PTPRU: variants seen among roughly 807,000 people sequenced by gnomAD.
PTPRU encodes receptor-type tyrosine-protein phosphatase U.
A neutral mutation model predicts 166.3 loss-of-function variants in PTPRU; 69 were observed. That is an observed-to-expected ratio of 0.41 (90% CI 0.34 to 0.51). The LOEUF (loss-of-function observed/expected upper bound fraction) is 0.51. Ranked by LOEUF, PTPRU falls within the 20% of genes least tolerant of loss-of-function variation. PTPRU has a pLI of 0.09. For missense variants in PTPRU, 1,657 were observed against 2,013.7 expected, an observed-to-expected ratio of 0.82 and a Z score of 3.39; for synonymous variants, 793 against 814.0, an observed-to-expected ratio of 0.97 and a Z score of 0.44.
At chr1:29,259,019 ACT>A (rs1296917396) in intron 3 of PTPRU, among the ~76,000 whole-genome samples, 1 of 152,014 alleles carries the variant, frequency 6.6e-6, no homozygotes, top group African/African-American at 2.4e-5. Context: ...TGACCTGGAA[ACT>A]CTGTCTGGCT....
intron 15 of PTPRU, among the ~76,000 whole-genome samples, chr1:29,297,275 G>A (rs931656077): frequency 2.0e-5 from 3 of 151,712 alleles, no homozygotes; most frequent in Non-Finnish European, 2.9e-5. Flanking sequence ...GGCTGGTCTC[G>A]AACTCCTGAC....
At position 29,257,704 on chromosome 1, in the gene PTPRU, A is replaced by G. The variant is rs886154172; in HGVS notation, c.206-801A>G. On this transcript the variant is annotated intron_variant, in intron 2 of 29. Coordinates refer to ENST00000373779, the MANE Select transcript of PTPRU (RefSeq NM_133178.4). This position sits in a 1 kb window ranked among gnomAD's most constrained non-coding sequence, Gnocchi z 4.6. ...CAATCTCTGTTCTACATATTCATTC[A>G]GCTTGCGTCCTGAGGCCTCACAGCC... Among the ~76,000 whole-genome samples the G allele has an allele frequency of 6.6e-6, 1 of 152,166 alleles. No homozygotes were observed. Among genetic ancestry groups the G allele is most frequent in the Non-Finnish European group, 1.5e-5 (1 of 68,028 alleles).
chr1:29,255,539 G>C, intron 2 of PTPRU, 133 bp downstream of exon 2: 1 of 1,320,326 alleles, frequency 7.6e-7, no homozygotes, highest in East Asian at 2.4e-5. Flanking sequence ...AATGACATAC[G>C]TGACACTGAA....
intron 7 of PTPRU, among the ~76,000 whole-genome samples, chr1:29,272,631 G>A (rs1421451520): frequency 6.6e-6 from 1 of 152,124 alleles, no homozygotes; most frequent in Non-Finnish European, 1.5e-5. Flanking sequence ...TAGGGGCTGG[G>A]TGCGGTGGCT....
In PTPRU at chr1:29,320,620, G is replaced by A. The variant is rs1688110852; in HGVS notation, c.3688-65G>A. 3 of 1,473,832 alleles carry A rather than the reference G, an allele frequency of 2.0e-6. No individual in the cohort carries two copies. Among genetic ancestry groups the A allele is most frequent in the African/African-American group, 1.4e-5 (1 of 71,248 alleles). 91.3% of individuals were successfully genotyped at this position (1,473,832 alleles called of 1,614,324 possible). On this transcript the variant is annotated intron_variant, in intron 25 of 29. Transcript: ENST00000373779. This position sits in a 1 kb window ranked among gnomAD's most constrained non-coding sequence, Gnocchi z 5.2. ...TGGGCAGTGCGGGAAGACAGCCTGG[G>A]GCAGAGGCTCAGCCCAGGCCAGGGG... is the stretch of plus-strand genomic sequence containing the variant.
At position 29,279,602 on chromosome 1, in the gene PTPRU, CACAG is replaced by C; in HGVS notation, c.1711_1714del (p.Thr571AlafsTer12). 1 of 1,614,052 alleles carries C rather than the reference CACAG, an allele frequency of 6.2e-7. No homozygotes were observed. Among genetic ancestry groups the C allele is most frequent in the Non-Finnish European group, 8.5e-7 (1 of 1,180,030 alleles). ...CCTACCTGTTCTCCGTGCGGGCCCG[CACAG>C]GCAAAGGCTTCGGCCAGGCGGCACT... On this transcript the variant is annotated frameshift_variant, in exon 10 of 30. Transcript: ENST00000373779. LOFTEE classifies it high-confidence loss of function. The surrounding 1 kb of genome is among the most constrained non-coding windows in gnomAD (Gnocchi z 5.2).
At chr1:29,292,627 C>T (rs763249740) in intron 15 of PTPRU, among the ~76,000 whole-genome samples, 3 of 151,060 alleles carry the variant, frequency 2.0e-5, no homozygotes, top group Non-Finnish European at 4.5e-5. Flanking sequence ...CATCCCACAT[C>T]TTTTTATTCT....
At chr1:29,250,710 C>T (rs1328035497) in intron 1 of PTPRU, among the ~76,000 whole-genome samples, 3 of 152,294 alleles carry the variant, frequency 2.0e-5, no homozygotes, top group Admixed American at 6.5e-5. Flanking sequence ...AACTCAAAGT[C>T]GGATTTAGTG....
At chr1:29,288,483 CAGA>C (rs1284075758) in intron 14 of PTPRU, among the ~76,000 whole-genome samples, 1 of 152,128 alleles carries the variant, frequency 6.6e-6, no homozygotes, top group Admixed American at 6.5e-5. Flanking sequence ...CAACTGAGGC[CAGA>C]AGAATGCCAT....
chr1:29,313,811 C>T (rs760975726), intron 22 of PTPRU, among the ~76,000 whole-genome samples: 1 of 152,148 alleles, frequency 6.6e-6, no homozygotes, highest in Non-Finnish European at 1.5e-5. Flanking sequence ...ACTGTAATTG[C>T]ACCACTGTAC....
intron 1 of PTPRU, among the ~76,000 whole-genome samples, chr1:29,242,296 G>A (rs1274086134): frequency 6.6e-6 from 1 of 152,154 alleles, no homozygotes; most frequent in East Asian, 1.9e-4. Flanking sequence ...TGTTGGGTGG[G>A]AATGTCCTGG....
At position 29,260,018 on chromosome 1, in the gene PTPRU, C is replaced by G. The variant is rs1341883965; in HGVS notation, c.824C>G (p.Ser275Cys). 2 of 1,478,772 alleles carry G rather than the reference C, an allele frequency of 1.4e-6. No individual in the cohort carries two copies. Among genetic ancestry groups the G allele is most frequent in the Non-Finnish European group, 1.8e-6 (2 of 1,121,630 alleles). 91.6% of individuals were successfully genotyped at this position (1,478,772 alleles called of 1,614,324 possible). The change falls in exon 6 of 30, where the codon TCT becomes TGT. Residue 275 changes from serine to cysteine, a missense_variant. Physicochemically the swap from Ser to Cys is moderately radical, Grantham distance 112. This residue lies in a region of PTPRU where 453 missense variants were observed against 496.9 expected (regional missense o/e 0.91). Coordinates refer to ENST00000373779, the MANE Select transcript of PTPRU (RefSeq NM_133178.4). The surrounding 1 kb of genome is among the most constrained non-coding windows in gnomAD (Gnocchi z 8.3). ...VSQAPRGAGV[S>C]NFAELIVKEP... is the part of the protein sequence containing the mutation. The stretch of plus-strand genomic sequence containing the variant: ...CAGGCCCCGCGCGGCGCGGGCGTCT[C>G]TAACTTCGCGGAGCTCATCGTCAAG...
rs184138464 is a variant in PTPRU, at chr1:29,303,136, C to T, written c.2477-719C>T. 2.0e-4 allele frequency among the ~76,000 whole-genome samples: 31 copies of T among 152,324 alleles called. No individual in the cohort carries two copies. In the East Asian group the frequency reaches 5.0e-3, roughly 25 times the overall value. ...AGTATTAAATGAGTGAGTGGGCGTGCGTGTCCCAAGGCGGGTGTGGCTATT... is the reference window on the plus strand; with the variant it reads ...AGTATTAAATGAGTGAGTGGGCGTGTGTGTCCCAAGGCGGGTGTGGCTATT... On this transcript the variant is annotated intron_variant, in intron 15 of 29. Coordinates refer to ENST00000373779, the MANE Select transcript of PTPRU (RefSeq NM_133178.4).
chr1:29,263,216 A>G (rs1685150137), intron 7 of PTPRU, among the ~76,000 whole-genome samples: 1 of 152,122 alleles, frequency 6.6e-6, no homozygotes, highest in South Asian at 2.1e-4. Context: ...AATTCCTGAC[A>G]TGAGGTGATC....
rs1443045608 is a variant in PTPRU, at chr1:29,311,035, C to T, written c.2857+255C>T. Among the ~76,000 whole-genome samples, 2 of 152,192 alleles carry T rather than the reference C, an allele frequency of 1.3e-5. No individual in the cohort carries two copies. Among genetic ancestry groups the T allele is most frequent in the African/African-American group, 4.8e-5 (2 of 41,450 alleles). On this transcript the variant is annotated intron_variant, in intron 19 of 29. Coordinates refer to ENST00000373779, the MANE Select transcript of PTPRU (RefSeq NM_133178.4). This position sits in a 1 kb window ranked among gnomAD's most constrained non-coding sequence, Gnocchi z 4.1. ...GCTCAGTCCATCTGTTGCTCCTGGT[C>T]TACCTGCCTGTCTCCAAAGTGGTGT... is the stretch of plus-strand genomic sequence containing the variant.
Position 29,315,262 on chromosome 1 carries a change from C to T in PTPRU, c.3228-110C>T, listed in dbSNP as rs973011389. On this transcript the variant is annotated intron_variant, in intron 22 of 29. Coordinates refer to ENST00000373779, the MANE Select transcript of PTPRU (RefSeq NM_133178.4). The surrounding 1 kb of genome is among the most constrained non-coding windows in gnomAD (Gnocchi z 4.5). ...GGGGAGGGGCAGTCATCTCTGTGTC[C>T]GTGTCCCCTGTATGGTGTAGACATG... The T allele has an allele frequency of 8.4e-5, 115 of 1,371,612 alleles. No individual in the cohort carries two copies. The highest frequency in any genetic ancestry group is 2.7e-4 in the African/African-American group (19 of 69,858). 85.0% of individuals were successfully genotyped at this position (1,371,612 alleles called of 1,614,324 possible). A position where few individuals can be genotyped will look rare whatever the true frequency, so the allele number is the denominator to read the frequency against.
rs575882776 is a variant in PTPRU, at chr1:29,270,541, G to A, written c.1145-4907G>A. Among the ~76,000 whole-genome samples the A allele has an allele frequency of 8.5e-5, 13 of 152,168 alleles. No homozygotes were observed. The South Asian group carries it at 2.5e-3, about 29-fold the overall frequency. On this transcript the variant is annotated intron_variant, in intron 7 of 29. Transcript: ENST00000373779. Reference sequence around the variant, plus strand: ...CCATGAAGGTCTCGAACCCCTGAGCGATCCTGCCTTGGCTTCCCAAAATGC... The same window carrying A: ...CCATGAAGGTCTCGAACCCCTGAGCAATCCTGCCTTGGCTTCCCAAAATGC...
At chr1:29,255,509 C>T in intron 2 of PTPRU, 103 bp downstream of exon 2, 2 of 1,486,596 alleles carry the variant, frequency 1.3e-6, no homozygotes, top group Non-Finnish European at 1.8e-6. Context: ...TCTCTGGGCC[C>T]CATCTACATT....
chr1:29,289,561 A>G (rs867771263), intron 14 of PTPRU: 16 of 1,182,196 alleles, frequency 1.4e-5, no homozygotes, highest in Middle Eastern at 2.1e-4. Context: ...GTCCCTGGCC[A>G]GCCCCCTCCC....
Sources: gnomAD v4.1 joint callset for allele counts (sites outside exome capture counted in the v4.1 genomes callset) on GRCh38, gnomAD v4.1.1 for gene constraint, gnomAD v4.1.1 regional missense constraint, Gnocchi (gnomAD v3.1) non-coding constraint, MANE v1.5 for transcripts, NCBI Gene and HGNC (gene_info 2026-07-23, HGNC 2026-07-21) for gene names.